Variants in DOCK3 observed in about 807,000 individuals in gnomAD.
DOCK3 encodes the protein dedicator of cytokinesis protein 3.
In DOCK3, 60 loss-of-function variants were observed where a neutral mutation model predicts 265.6. That is an observed-to-expected ratio of 0.23 (90% CI 0.18 to 0.28). The LOEUF is 0.28. Ranked by LOEUF, DOCK3 falls within the 10% of genes least tolerant of loss-of-function variation. The pLI, the probability that DOCK3 is intolerant of heterozygous loss-of-function variation, is 1.00. For synonymous variants in DOCK3, 881 were observed against 938.0 expected (o/e 0.94, Z 1.11); for missense variants, 1,981 against 2,594.3 (o/e 0.76, Z 5.14).
chr3:51,120,064 A>C (rs1462224971), intron 9 of DOCK3, among the ~76,000 whole-genome samples: 1 of 152,038 alleles, frequency 6.6e-6, no homozygotes, highest in Non-Finnish European at 1.5e-5. Flanking sequence ...TGGAATTTTC[A>C]GCCTCTTTGC....
At chr3:51,301,474 C>G (rs1294500610) in intron 27 of DOCK3, among the ~76,000 whole-genome samples, 5 of 150,936 alleles carry the variant, frequency 3.3e-5, no homozygotes, top group African/African-American at 1.2e-4. Flanking sequence ...GCTCTTGGTT[C>G]TCTAGTTCTT....
intron 33 of DOCK3, among the ~76,000 whole-genome samples, chr3:51,332,800 C>G (rs375698328): frequency 6.6e-5 from 10 of 152,326 alleles, no homozygotes; most frequent in African/African-American, 2.4e-4. Flanking sequence ...ACTACTGCTT[C>G]AGAACAGACC....
At chr3:51,020,019 G>C (rs1456386609) in intron 5 of DOCK3, among the ~76,000 whole-genome samples, 1 of 151,738 alleles carries the variant, frequency 6.6e-6, no homozygotes, top group East Asian at 1.9e-4. Context: ...TGGGTCAAAT[G>C]GTATTTCTGC....
chr3:51,201,507 C>T (rs1001609537), intron 12 of DOCK3, among the ~76,000 whole-genome samples: 4 of 152,122 alleles, frequency 2.6e-5, no homozygotes, highest in Non-Finnish European at 5.9e-5. Context: ...TACAGGAGCA[C>T]CCAGACACAT....
At chr3:51,063,509 T>G (rs1392335954) in intron 5 of DOCK3, among the ~76,000 whole-genome samples, 2 of 152,236 alleles carry the variant, frequency 1.3e-5, no homozygotes, top group African/African-American at 4.8e-5. Context: ...CTTCTTTGAC[T>G]TGAGCTTATT....
At chr3:51,094,348 CTTG>C (rs1560052885) in intron 9 of DOCK3, among the ~76,000 whole-genome samples, 1 of 152,088 alleles carries the variant, frequency 6.6e-6, no homozygotes, top group Non-Finnish European at 1.5e-5. Context: ...CATTTCAGAA[CTTG>C]TTGTTGGTCT....
chr3:51,362,084 C>G (rs990211712), intron 48 of DOCK3, 87 bp downstream of exon 48: 1 of 1,465,936 alleles, frequency 6.8e-7, no homozygotes, highest in Non-Finnish European at 9.1e-7. Flanking sequence ...GAGGGCTTGG[C>G]AACCCTGCCT....
chr3:50,984,259 C>T (rs2077813070), intron 5 of DOCK3, among the ~76,000 whole-genome samples: 1 of 152,198 alleles, frequency 6.6e-6, no homozygotes, highest in African/African-American at 2.4e-5. Context: ...AGCAACACCC[C>T]AAAGATCCTG....
intron 2 of DOCK3, among the ~76,000 whole-genome samples, chr3:50,803,683 C>T (rs935621265): frequency 1.5e-4 from 23 of 150,418 alleles, no homozygotes; most frequent in Admixed American, 4.0e-4. Flanking sequence ...CCAGATGGGG[C>T]GGCTACCAGG....
intron 24 of DOCK3, among the ~76,000 whole-genome samples, chr3:51,271,870 AGGCCCTGAAAGG>A (rs922963145): frequency 3.5e-5 from 1 of 28,488 alleles, no homozygotes; most frequent in African/African-American, 2.3e-4. Flanking sequence ...AAAAAAAAAA[AGGCCCTGAAAGG>A]GGCCCTGAGG....
chr3:50,850,219 G>A (rs917062236), intron 3 of DOCK3, among the ~76,000 whole-genome samples: 1 of 151,762 alleles, frequency 6.6e-6, no homozygotes, highest in Admixed American at 6.6e-5. Flanking sequence ...AAATTAGTCG[G>A]CATGGTGGCA....
At chr3:51,049,792 TCC>T (rs1491470803) in intron 5 of DOCK3, among the ~76,000 whole-genome samples, 2 of 110,988 alleles carry the variant, frequency 1.8e-5, no homozygotes, top group African/African-American at 3.0e-5. Flanking sequence ...CCCTAATGGG[TCC>T]ACACACACAC....
chr3:50,786,832 G>A lies in DOCK3; in HGVS notation c.121+8074G>A, dbSNP rs2042209075. The A allele has an allele frequency of 2.8e-5, 21 of 741,784 alleles. No homozygotes were observed. The South Asian group carries it at 2.9e-4, about 10-fold the overall frequency. The allele number at this position is 741,784 out of a possible 1,614,324, so 46.0% of individuals were successfully genotyped here. On this transcript the variant is annotated intron_variant, in intron 2 of 52. Coordinates refer to ENST00000266037, the MANE Select transcript of DOCK3 (RefSeq NM_004947.5). ...TCATGTGGGTGTGTAGCTGGTAATT[G>A]TACTGAAACCTTTCGTCACAGTTCT...
intron 3 of DOCK3, among the ~76,000 whole-genome samples, chr3:50,878,020 T>C (rs909412278): frequency 1.3e-5 from 2 of 152,106 alleles, no homozygotes; most frequent in Non-Finnish European, 2.9e-5. Context: ...GTGTCTGGAG[T>C]GGACCTCCAG....
intron 3 of DOCK3, among the ~76,000 whole-genome samples, chr3:50,845,690 T>C (rs2046046468): frequency 6.6e-6 from 1 of 152,136 alleles, no homozygotes; most frequent in African/African-American, 2.4e-5. Context: ...AGTATAACTA[T>C]AAAATAGGGT....
At chr3:51,094,885 C>T (rs1234432830) in intron 9 of DOCK3, among the ~76,000 whole-genome samples, 5 of 151,474 alleles carry the variant, frequency 3.3e-5, no homozygotes, top group Non-Finnish European at 7.4e-5. Context: ...GGATAGTTAG[C>T]TCTTCTTGTT....
chr3:50,970,934 TATATATATATATAA>T, intron 5 of DOCK3, among the ~76,000 whole-genome samples: 1 of 76,298 alleles, frequency 1.3e-5, no homozygotes, highest in Non-Finnish European at 2.5e-5. Context: ...TATATATATA[TATATATATATATAA>T]TGTGTGTGTG....
chr3:51,336,856 T>C (rs1470868878), intron 35 of DOCK3: 1 of 456,160 alleles, frequency 2.2e-6, no homozygotes, highest in Admixed American at 2.3e-5. Context: ...AGATGCTTTA[T>C]AGAAAATACA....
chr3:51,274,196 G>A (rs1315352205), intron 24 of DOCK3, among the ~76,000 whole-genome samples: 9 of 152,170 alleles, frequency 5.9e-5, no homozygotes, highest in African/African-American at 1.9e-4. Flanking sequence ...TCAAAGTCTT[G>A]TGACAAGACA....
Sources: gnomAD v4.1 joint callset for allele counts (sites outside exome capture counted in the v4.1 genomes callset) on GRCh38, gnomAD v4.1.1 for gene constraint, MANE v1.5 for transcripts, NCBI Gene and HGNC (gene_info 2026-07-23, HGNC 2026-07-21) for gene names.